STAMBPL1: variants seen among roughly 807,000 people sequenced by gnomAD.
STAMBPL1 encodes the protein AMSH-like protease.
A neutral mutation model predicts 52.9 loss-of-function variants in STAMBPL1; 44 were observed. The observed-to-expected ratio is 0.83, with a 90% CI of 0.65 to 1.07. STAMBPL1 has a LOEUF of 1.07. Among genes scored for constraint, STAMBPL1 ranks in the 50% least tolerant of loss-of-function variants. The pLI, the probability that STAMBPL1 is intolerant of heterozygous loss-of-function variation, is 0.00. For missense variants in STAMBPL1, 511 were observed against 520.8 expected (o/e 0.98, Z 0.18); for synonymous variants, 164 against 177.3 (o/e 0.92, Z 0.60).
chr10:88,901,819 C>A, intron 2 of STAMBPL1, 81 bp downstream of exon 2: 3 of 1,387,338 alleles, frequency 2.2e-6, no homozygotes, highest in Non-Finnish European at 3.0e-6. Flanking sequence ...TGAAATGAGT[C>A]ACAATTACTT....
intron 1 of STAMBPL1, among the ~76,000 whole-genome samples, chr10:88,894,563 A>T (rs1054729889): frequency 1.3e-5 from 2 of 151,652 alleles, no homozygotes; most frequent in African/African-American, 4.9e-5. Flanking sequence ...CTCCTGATGC[A>T]CACCTAGTCT....
intron 1 of STAMBPL1, among the ~76,000 whole-genome samples, chr10:88,885,701 T>C (rs926719485): frequency 1.3e-5 from 2 of 152,226 alleles, no homozygotes; most frequent in South Asian, 2.1e-4. Flanking sequence ...GAATATTTTA[T>C]AGAGTAATGG....
In STAMBPL1 at chr10:88,921,395, A is replaced by G. The variant is rs987438476; in HGVS notation, c.1154A>G (p.Asp385Gly). ...ATTGTTTGCTCACCAAAGCATAAAG[A>G]GTAAGTGTAACTCTTCAGGGGAGAC... ...IAIVCSPKHK[D>G]TGIFRLTNAG... The change falls in exon 9 of 11, where the codon GAC (aspartate) becomes GGC (glycine). Residue 385 changes from aspartate (D) to glycine (G), a missense_variant and splice_region_variant. Physicochemically the swap from Asp to Gly is moderately conservative, Grantham distance 94 (BLOSUM62 -1). Coordinates refer to ENST00000371926, the MANE Select transcript of STAMBPL1 (RefSeq NM_020799.4). 1.2e-6 allele frequency: 2 copies of G among 1,611,194 alleles called. No homozygotes were observed. Among genetic ancestry groups the G allele is most frequent in the Non-Finnish European group, 1.7e-6 (2 of 1,177,712 alleles).
In STAMBPL1 at chr10:88,910,961, G is replaced by C; in HGVS notation, c.370G>C (p.Asp124His). The C allele has an allele frequency of 1.3e-6, 2 of 1,597,864 alleles. No homozygotes were observed. The highest frequency in any genetic ancestry group is 1.7e-6 in the Non-Finnish European group (2 of 1,174,670). The change falls in exon 5 of 11, where the codon GAC becomes CAC. Residue 124 changes from aspartate to histidine, a missense_variant. By Grantham distance (81) the Asp-to-His change is moderately conservative. This residue lies in a region of STAMBPL1 where 358 missense variants were observed against 343.5 expected (regional missense o/e 1.04). Transcript: ENST00000371926. Reference protein sequence around the residue: ...AFPRTDELKNDLLKKYNVEYQ... With the variant: ...AFPRTDELKNHLLKKYNVEYQ... ...CCCAAGGACAGATGAATTGAAAAAC[G>C]ACCTTTTAAAGAAATATAACGTAGA... is the stretch of plus-strand genomic sequence containing the variant.
chr10:88,899,289 G>A (rs1349327505), intron 1 of STAMBPL1, among the ~76,000 whole-genome samples: 3 of 152,166 alleles, frequency 2.0e-5, no homozygotes, highest in Non-Finnish European at 4.4e-5. Flanking sequence ...GTATTGGAAT[G>A]ACTGGGCCAT....
At chr10:88,916,581 T>C (rs1169830404) in intron 7 of STAMBPL1, 99 bp from the exon 8 acceptor site, 41 of 1,092,398 alleles carry the variant, frequency 3.8e-5, no homozygotes, top group Non-Finnish European at 4.3e-5. Flanking sequence ...CACACCCCCC[T>C]GCTGGGGGAC....
intron 1 of STAMBPL1, among the ~76,000 whole-genome samples, chr10:88,897,368 C>T (rs1844838363): frequency 6.6e-6 from 1 of 152,058 alleles, no homozygotes; most frequent in African/African-American, 2.4e-5. Flanking sequence ...GCAGACACTC[C>T]CCTACTCCTC....
chr10:88,912,886 TAAA>T, intron 5 of STAMBPL1: 1 of 520,470 alleles, frequency 1.9e-6, no homozygotes, highest in Middle Eastern at 5.1e-4. Flanking sequence ...CTGTCTCTGG[TAAA>T]ATATCAGTGG....
chr10:88,918,361 G>T (rs1589379770), intron 8 of STAMBPL1, among the ~76,000 whole-genome samples: 1 of 151,796 alleles, frequency 6.6e-6, no homozygotes, highest in Non-Finnish European at 1.5e-5. Flanking sequence ...GTTCTGGAGG[G>T]TACAGGAGAC....
intron 1 of STAMBPL1, among the ~76,000 whole-genome samples, chr10:88,886,869 T>C (rs1844547861): frequency 2.0e-5 from 3 of 151,898 alleles, no homozygotes; most frequent in Admixed American, 2.0e-4. Context: ...TAGGGAAAAC[T>C]ATAGCCAGGA....
rs780250922 is a variant in STAMBPL1 at position 88,916,748 on chromosome 10, C to T, written c.972C>T (p.Asp324=). Reference sequence around the variant, plus strand: ...AGTCTGCGGGACCAGACTATTGTGACATGGAGAATGTAGAGGAATTATTCA... The same window carrying T: ...AGTCTGCGGGACCAGACTATTGTGATATGGAGAATGTAGAGGAATTATTCA... ...PKQSAGPDYC[D]MENVEELFNV... The change falls in exon 8 of 11, where the codon GAC becomes GAT. Residue 324 remains aspartate, a synonymous_variant. Transcript: ENST00000371926. 21 of 1,610,004 alleles carry T rather than the reference C, an allele frequency of 1.3e-5. No individual in the cohort carries two copies. In the South Asian group the frequency reaches 2.1e-4, roughly 16 times the overall value.
At chr10:88,892,560 A>G (rs1173885694) in intron 1 of STAMBPL1, among the ~76,000 whole-genome samples, 1 of 152,220 alleles carries the variant, frequency 6.6e-6, no homozygotes, top group African/African-American at 2.4e-5. Flanking sequence ...CTTTGCCAGA[A>G]TAAGGAGCTC....
chr10:88,912,727 G>A (rs1393309080), intron 5 of STAMBPL1: 1 of 166,102 alleles, frequency 6.0e-6, no homozygotes, highest in East Asian at 1.7e-4. Flanking sequence ...ATAACCACAT[G>A]TGGCTAGTGG....
At chr10:88,918,306 T>TACACACACACAC (rs199604099) in intron 8 of STAMBPL1, among the ~76,000 whole-genome samples, 4 of 143,344 alleles carry the variant, frequency 2.8e-5, no homozygotes, top group Non-Finnish European at 3.0e-5. Context: ...CACACACACA[T>TACACACACACAC]ACACACACAC....
At position 88,914,518 on chromosome 10, in the gene STAMBPL1, CT is replaced by C; in HGVS notation, c.779-10del. 23 of 1,478,560 alleles carry C rather than the reference CT, an allele frequency of 1.6e-5. No individual in the cohort carries two copies. Among genetic ancestry groups the C allele is most frequent in the South Asian group, 7.3e-5 (5 of 68,700 alleles). The allele number at this position is 1,478,560 out of a possible 1,614,324, so 91.6% of individuals were successfully genotyped here. A position where few individuals can be genotyped will look rare whatever the true frequency, so the allele number is the denominator to read the frequency against. On this transcript the variant is annotated splice_polypyrimidine_tract_variant and intron_variant, in intron 6 of 10. Coordinates refer to ENST00000371926, the MANE Select transcript of STAMBPL1 (RefSeq NM_020799.4). Reference sequence around the variant, plus strand: ...TAGTTTGTTTTTTAGCCTTTTCTCCCTTTTTTGTTTCTTAGATTTAGTGGTT... The same window carrying C: ...TAGTTTGTTTTTTAGCCTTTTCTCCCTTTTTGTTTCTTAGATTTAGTGGTT...
At chr10:88,882,383 A>G (rs2133107948) in intron 1 of STAMBPL1, 1 of 152,306 alleles carries the variant, frequency 6.6e-6, no homozygotes, top group South Asian at 2.1e-4. Flanking sequence ...GTTATAAAGA[A>G]TTGTTAGTAA....
intron 2 of STAMBPL1, among the ~76,000 whole-genome samples, chr10:88,902,781 A>G (rs1391279750): frequency 6.6e-6 from 1 of 152,076 alleles, no homozygotes; most frequent in Non-Finnish European, 1.5e-5. Context: ...GTGTTAGCCA[A>G]GATGGTCTCC....
chr10:88,911,111 T>G lies in STAMBPL1; in HGVS notation c.420+100T>G, dbSNP rs1445079191. On this transcript the variant is annotated intron_variant, in intron 5 of 10. Coordinates refer to ENST00000371926, the MANE Select transcript of STAMBPL1 (RefSeq NM_020799.4). The stretch of plus-strand genomic sequence containing the variant: ...GAGTTTTTCAAATGTTTTGTGCATT[T>G]AAATTAAAAATTAAAGATGCAGTGA... 3.7e-6 allele frequency: 3 copies of G among 800,396 alleles called. No individual in the cohort carries two copies. In the African/African-American group the frequency reaches 5.5e-5, roughly 15 times the overall value. 49.6% of individuals were successfully genotyped at this position (800,396 alleles called of 1,614,324 possible).
At chr10:88,883,033 G>C (rs776880203) in intron 1 of STAMBPL1, among the ~76,000 whole-genome samples, 40 of 107,136 alleles carry the variant, frequency 3.7e-4, no homozygotes, top group South Asian at 6.2e-4. Flanking sequence ...CGACAGGCCC[G>C]AGTGTGTGAT....
Sources: gnomAD v4.1 joint callset for allele counts (sites outside exome capture counted in the v4.1 genomes callset) on GRCh38, gnomAD v4.1.1 for gene constraint, gnomAD v4.1.1 regional missense constraint, MANE v1.5 for transcripts, NCBI Gene and HGNC (gene_info 2026-07-23, HGNC 2026-07-21) for gene names.